Variants in GRM3 observed in about 807,000 individuals in gnomAD.
GRM3 encodes the protein glutamate metabotropic receptor 3, also known as metabotropic glutamate receptor 3.
In GRM3, 26 loss-of-function variants were observed where a neutral mutation model predicts 70.5. The observed-to-expected ratio is 0.37, with a 90% CI of 0.27 to 0.51. The LOEUF is 0.51. GRM3 is among the 20% of genes least tolerant of loss of function. The pLI is 0.93. For missense variants in GRM3, 859 were observed against 1,123.8 expected, an observed-to-expected ratio of 0.76 and a Z score of 3.37; for synonymous variants, 443 against 434.9, an observed-to-expected ratio of 1.02 and a Z score of -0.23.
intron 1 of GRM3, among the ~76,000 whole-genome samples, chr7:86,747,550 A>G (rs1350690235): frequency 6.6e-6 from 1 of 152,064 alleles, no homozygotes; most frequent in Non-Finnish European, 1.5e-5. Context: ...TACATTCAAC[A>G]GGGTCCAGTT....
At chr7:86,690,961 T>C (rs1794682700) in intron 1 of GRM3, among the ~76,000 whole-genome samples, 1 of 152,124 alleles carries the variant, frequency 6.6e-6, no homozygotes, top group African/African-American at 2.4e-5. Flanking sequence ...CATAAGGAAA[T>C]TTGCCAAAGA....
chr7:86,703,004 C>T (rs924539758), intron 1 of GRM3, among the ~76,000 whole-genome samples: 1 of 151,844 alleles, frequency 6.6e-6, no homozygotes, highest in Non-Finnish European at 1.5e-5. Context: ...ACAAATAATC[C>T]TAGAAATGAA....
intron 1 of GRM3, among the ~76,000 whole-genome samples, chr7:86,694,530 A>AG (rs898139269): frequency 9.2e-5 from 4 of 43,588 alleles, no homozygotes; most frequent in African/African-American, 3.3e-4. Context: ...AAAAAAAAAG[A>AG]AAAGAAAGAA....
At chr7:86,799,060 G>C (rs558051389) in intron 3 of GRM3, among the ~76,000 whole-genome samples, 1 of 152,216 alleles carries the variant, frequency 6.6e-6, no homozygotes, top group South Asian at 2.1e-4. Flanking sequence ...CCTTGAAGAG[G>C]TCCTTCATTT....
chr7:86,797,146 G>T (rs1319434967), intron 3 of GRM3, among the ~76,000 whole-genome samples: 16 of 152,194 alleles, frequency 1.1e-4, no homozygotes, highest in Middle Eastern at 3.2e-3. Flanking sequence ...GTAGAGAGGG[G>T]TGTTGCTCTA....
At chr7:86,805,507 G>A (rs1169537489) in intron 3 of GRM3, among the ~76,000 whole-genome samples, 2 of 152,100 alleles carry the variant, frequency 1.3e-5, no homozygotes, top group East Asian at 3.9e-4. Flanking sequence ...TATGTTTTAA[G>A]TGTAAAATAA....
At chr7:86,827,481 T>C (rs1050813848) in intron 3 of GRM3, among the ~76,000 whole-genome samples, 3 of 151,936 alleles carry the variant, frequency 2.0e-5, no homozygotes, top group Non-Finnish European at 4.4e-5. Context: ...TGAAAAGTAG[T>C]CATATCTGGA....
rs760554215 is a variant in GRM3 at position 86,864,477 on chromosome 7, G to A, written c.*122G>A. On this transcript the variant is annotated 3_prime_UTR_variant, in exon 6 of 6. Coordinates refer to ENST00000361669, the MANE Select transcript of GRM3 (RefSeq NM_000840.3). ...TAGTACCTTTTTTTAGAAACAGTAC[G>A]ATAAATTATTTTTGAGGACTGTATA... 5.6e-5 allele frequency: 43 copies of A among 762,806 alleles called. No homozygotes were observed. The highest frequency in any genetic ancestry group is 8.6e-5 in the African/African-American group (5 of 58,462). 47.3% of individuals were successfully genotyped at this position (762,806 alleles called of 1,614,324 possible). A position where few individuals can be genotyped will look rare whatever the true frequency, so the allele number is the denominator to read the frequency against.
intron 1 of GRM3, among the ~76,000 whole-genome samples, chr7:86,729,164 T>A (rs576957471): frequency 6.6e-6 from 1 of 152,184 alleles, no homozygotes; most frequent in Non-Finnish European, 1.5e-5. Context: ...CCCTTAGATG[T>A]AGTATGGTGC....
chr7:86,690,965 C>T (rs1794682748), intron 1 of GRM3, among the ~76,000 whole-genome samples: 1 of 152,014 alleles, frequency 6.6e-6, no homozygotes, highest in Non-Finnish European at 1.5e-5. Flanking sequence ...AGGAAATTTG[C>T]CAAAGAGGTA....
chr7:86,734,514 T>G (rs1795811158), intron 1 of GRM3, among the ~76,000 whole-genome samples: 1 of 152,214 alleles, frequency 6.6e-6, no homozygotes, highest in Admixed American at 6.5e-5. Context: ...CATTAATCTA[T>G]TCAGACATGT....
In GRM3 at chr7:86,686,800, G is replaced by C. The variant is rs183534375; in HGVS notation, c.-141+41928G>C. ...AAAAGAAACGCAAAAAATAGAAACA[G>C]ACACCTAGGTATTTTAGATATTAAA... On this transcript the variant is annotated intron_variant, in intron 1 of 5. Coordinates refer to ENST00000361669, the MANE Select transcript of GRM3 (RefSeq NM_000840.3). Among the ~76,000 whole-genome samples the C allele has an allele frequency of 7.9e-5, 12 of 151,938 alleles. No homozygotes were observed. In the East Asian group the frequency reaches 2.3e-3, roughly 29 times the overall value.
At chr7:86,846,491 G>C (rs1798658496) in intron 4 of GRM3, among the ~76,000 whole-genome samples, 1 of 152,178 alleles carries the variant, frequency 6.6e-6, no homozygotes, top group Admixed American at 6.6e-5. Flanking sequence ...GTGTAAAAGA[G>C]AGTGGAATTT....
At chr7:86,758,438 G>C (rs890624636) in intron 1 of GRM3, among the ~76,000 whole-genome samples, 2 of 152,126 alleles carry the variant, frequency 1.3e-5, no homozygotes, top group Non-Finnish European at 2.9e-5. Context: ...CAGGGAATTT[G>C]GAGAGGCTCT....
At chr7:86,723,321 A>T (rs1290403565) in intron 1 of GRM3, among the ~76,000 whole-genome samples, 1 of 152,132 alleles carries the variant, frequency 6.6e-6, no homozygotes, top group Non-Finnish European at 1.5e-5. Flanking sequence ...AGAAATTGGA[A>T]TTACCTACTC....
chr7:86,846,987 A>G (rs189932211), intron 4 of GRM3, among the ~76,000 whole-genome samples: 155 of 152,310 alleles, frequency 1.0e-3, no homozygotes, highest in Non-Finnish European at 1.9e-3. Flanking sequence ...CAGTAGCCAG[A>G]GTGTCAATAT....
At chr7:86,696,320 A>G (rs1584172707) in intron 1 of GRM3, among the ~76,000 whole-genome samples, 1 of 152,256 alleles carries the variant, frequency 6.6e-6, no homozygotes, top group Middle Eastern at 3.4e-3. Context: ...TATAAGAGAG[A>G]AACAGGAAGG....
At chr7:86,646,208 A>G (rs1793468370) in intron 1 of GRM3, among the ~76,000 whole-genome samples, 1 of 152,206 alleles carries the variant, frequency 6.6e-6, no homozygotes. Context: ...ATGAATAAAT[A>G]TGATTCTATA....
intron 1 of GRM3, among the ~76,000 whole-genome samples, chr7:86,733,253 G>A (rs530614930): frequency 6.6e-6 from 1 of 151,240 alleles, no homozygotes; most frequent in African/African-American, 2.4e-5. Flanking sequence ...GGTGGAGCTT[G>A]CAGTGAGGCA....
Sources: gnomAD v4.1 joint callset for allele counts (sites outside exome capture counted in the v4.1 genomes callset) on GRCh38, gnomAD v4.1.1 for gene constraint, MANE v1.5 for transcripts, NCBI Gene and HGNC (gene_info 2026-07-23, HGNC 2026-07-21) for gene names.